Variants in TMEM131 observed in about 807,000 individuals in gnomAD.
TMEM131 encodes the protein 2610524E03Rik.
In TMEM131, 66 loss-of-function variants were observed where a neutral mutation model predicts 211.6. The ratio of observed to expected loss-of-function variants is 0.31; its 90% confidence interval spans 0.26 to 0.38. TMEM131 has a LOEUF of 0.38. TMEM131 is among the 10% of genes least tolerant of loss of function. TMEM131 has a pLI of 1.00. For missense variants in TMEM131, 2,036 were observed against 2,299.3 expected (o/e 0.89, Z 2.34); for synonymous variants, 844 against 841.3 (o/e 1.00, Z -0.06).
In TMEM131 at chr2:97,911,786, G is replaced by A. The variant is rs962077909; in HGVS notation, c.250-3088C>T. On this transcript the variant is annotated intron_variant, in intron 2 of 40. Transcript: ENST00000186436. Reference sequence around the variant, plus strand: ...AACAAGAATAAAAATCTCAGAACATGCCAACACATCCTTAAGTGTTATGAG... The same window carrying A: ...AACAAGAATAAAAATCTCAGAACATACCAACACATCCTTAAGTGTTATGAG... 4 of 327,570 alleles carry A rather than the reference G, an allele frequency of 1.2e-5. No individual in the cohort carries two copies. In the Admixed American group the frequency reaches 2.6e-4, roughly 21 times the overall value. The allele number at this position is 327,570 out of a possible 1,614,324, so 20.3% of individuals were successfully genotyped here.
intron 4 of TMEM131, among the ~76,000 whole-genome samples, chr2:97,886,485 C>G (rs952855202): frequency 6.6e-6 from 1 of 152,208 alleles, no homozygotes; most frequent in African/African-American, 2.4e-5. Flanking sequence ...TTTGGTGCAT[C>G]TGTGTCTAGG....
intron 4 of TMEM131, among the ~76,000 whole-genome samples, chr2:97,885,936 A>T (rs922936450): frequency 6.6e-6 from 1 of 152,130 alleles, no homozygotes; most frequent in African/African-American, 2.4e-5. Context: ...CATGGTATAC[A>T]ATACATCCTG....
At chr2:97,762,332 A>T (rs1426321776) in intron 35 of TMEM131, 132 bp from the exon 36 acceptor site, 1 of 892,680 alleles carries the variant, frequency 1.1e-6, no homozygotes, top group Non-Finnish European at 1.7e-6. Context: ...AAGCTCTTAG[A>T]TGTGTTCTGT....
intron 31 of TMEM131, among the ~76,000 whole-genome samples, chr2:97,791,141 GA>G (rs1216724691): frequency 1.3e-5 from 2 of 152,248 alleles, no homozygotes; most frequent in African/African-American, 4.8e-5. Flanking sequence ...GTGAAGGGAT[GA>G]AATTGCAATA....
At chr2:97,853,609 A>G (rs1186598722) in intron 5 of TMEM131, among the ~76,000 whole-genome samples, 15 of 63,738 alleles carry the variant, frequency 2.4e-4, no homozygotes, top group Non-Finnish European at 4.4e-4. Context: ...CCGTCTTGGA[A>G]AAAAAAAAAA....
chr2:97,827,798 G>A (rs1162994625), intron 11 of TMEM131, among the ~76,000 whole-genome samples: 2 of 152,102 alleles, frequency 1.3e-5, no homozygotes, highest in East Asian at 3.9e-4. Context: ...ATTATGGGAG[G>A]CTCTGATTGT....
chr2:97,789,596 G>A (rs1009094653), intron 31 of TMEM131, among the ~76,000 whole-genome samples: 1 of 152,170 alleles, frequency 6.6e-6, no homozygotes, highest in Admixed American at 6.5e-5. Context: ...CGTGGCCTCA[G>A]GACGCCACAC....
chr2:97,971,610 A>T (rs1433933225), intron 1 of TMEM131, among the ~76,000 whole-genome samples: 1 of 152,248 alleles, frequency 6.6e-6, no homozygotes, highest in African/African-American at 2.4e-5. Context: ...GCTATGTATG[A>T]CAGACAGGCT....
At chr2:97,944,553 C>T (rs1250823453) in intron 1 of TMEM131, among the ~76,000 whole-genome samples, 1 of 152,104 alleles carries the variant, frequency 6.6e-6, no homozygotes, top group African/African-American at 2.4e-5. Flanking sequence ...GAGAAAATTT[C>T]TGCAAATGAT....
chr2:97,759,229 A>T, intron 39 of TMEM131, 176 bp from the exon 40 acceptor site: 1 of 715,488 alleles, frequency 1.4e-6, no homozygotes, highest in Non-Finnish European at 2.3e-6. Context: ...CCAGAACTCA[A>T]ACGCATAGTG....
At chr2:97,941,908 A>G (rs1677749094) in intron 1 of TMEM131, among the ~76,000 whole-genome samples, 1 of 152,192 alleles carries the variant, frequency 6.6e-6, no homozygotes, top group Non-Finnish European at 1.5e-5. Context: ...ATTGTGGAAG[A>G]CAGTGGGGCG....
At chr2:97,772,188 C>T (rs1679497877) in intron 33 of TMEM131, 109 bp downstream of exon 33, 1 of 1,344,918 alleles carries the variant, frequency 7.4e-7, no homozygotes, top group Non-Finnish European at 1.0e-6. Flanking sequence ...TTGCTATCAA[C>T]TCCCCTAAAA....
chr2:97,950,597 G>A (rs374404825), intron 1 of TMEM131, among the ~76,000 whole-genome samples: 1 of 152,140 alleles, frequency 6.6e-6, no homozygotes, highest in African/African-American at 2.4e-5. Flanking sequence ...GGCAGCAACA[G>A]ACTGGGAGAG....
Position 97,880,230 on chromosome 2 carries a change from C to T in TMEM131, c.359+7822G>A, listed in dbSNP as rs563292273. Among the ~76,000 whole-genome samples, 142 of 152,178 alleles carry T rather than the reference C, an allele frequency of 9.3e-4. No homozygotes were observed. In the South Asian group the frequency reaches 0.011, roughly 12 times the overall value. The stretch of plus-strand genomic sequence containing the variant: ...CTTTCAGGAAATGACATGTAGTTCT[C>T]CCCAGGTGTGGAGGACATATAAGGA... On this transcript the variant is annotated intron_variant, in intron 4 of 40. Coordinates refer to ENST00000186436, the MANE Select transcript of TMEM131 (RefSeq NM_015348.2).
chr2:97,976,033 C>G (rs35940587), intron 1 of TMEM131, among the ~76,000 whole-genome samples: 52,569 of 151,884 alleles, frequency 0.35, 9,985 homozygotes, highest in Middle Eastern at 0.48. Flanking sequence ...TCTCTTCAAA[C>G]AAGACATAAA....
At chr2:97,902,985 C>T (rs1028551174) in intron 3 of TMEM131, among the ~76,000 whole-genome samples, 2 of 152,070 alleles carry the variant, frequency 1.3e-5, no homozygotes, top group African/African-American at 4.8e-5. Flanking sequence ...ACCTTGTGAT[C>T]GTGTAAATTA....
intron 3 of TMEM131, among the ~76,000 whole-genome samples, chr2:97,890,244 A>C (rs1675324505): frequency 6.6e-6 from 1 of 152,214 alleles, no homozygotes; most frequent in African/African-American, 2.4e-5. Flanking sequence ...CTACTTTGTG[A>C]AGTACCAAGG....
In TMEM131 at chr2:97,814,064, G is replaced by A. The variant is rs1393683619; in HGVS notation, c.1524C>T (p.Ser508=). ...TGTTATCAATGTGCATGGATGATGTGGAAGGCATAAAAAGCAGGGTAAAAA... is the reference window on the plus strand; with the variant it reads ...TGTTATCAATGTGCATGGATGATGTAGAAGGCATAAAAAGCAGGGTAAAAA... ...GYIFTLLFMP[S]TSSMHIDNNI... Residue 508 remains serine, a synonymous_variant, in exon 15 of 41, where the codon TCC becomes TCT. Coordinates refer to ENST00000186436, the MANE Select transcript of TMEM131 (RefSeq NM_015348.2). 6 of 1,602,750 alleles carry A rather than the reference G, an allele frequency of 3.7e-6. No homozygotes were observed. The highest frequency in any genetic ancestry group is 5.1e-6 in the Non-Finnish European group (6 of 1,173,710).
chr2:97,759,042 T>G lies in TMEM131; in HGVS notation c.5218A>C (p.Lys1740Gln). ...TTGCACGATCGAGATAATCCGAGTTTGCTGAAAACTTCTGGAAATAAAGCA... is the reference window on the plus strand; with the variant it reads ...TTGCACGATCGAGATAATCCGAGTTGGCTGAAAACTTCTGGAAATAAAGCA... ...SFNLTGEVFSKLGLSRSCNQA... is the reference protein window; with the variant it reads ...SFNLTGEVFSQLGLSRSCNQA... The change falls in exon 40 of 41, where the codon AAA (lysine) becomes CAA (glutamine). Residue 1740 changes from lysine to glutamine, a missense_variant. Coordinates refer to ENST00000186436, the MANE Select transcript of TMEM131 (RefSeq NM_015348.2). 6.2e-7 allele frequency: 1 copy of G among 1,614,076 alleles called. No homozygotes were observed. Among genetic ancestry groups the G allele is most frequent in the Non-Finnish European group, 8.5e-7 (1 of 1,179,906 alleles).
Sources: gnomAD v4.1 joint callset for allele counts (sites outside exome capture counted in the v4.1 genomes callset) on GRCh38, gnomAD v4.1.1 for gene constraint, MANE v1.5 for transcripts, NCBI Gene and HGNC (gene_info 2026-07-23, HGNC 2026-07-21) for gene names.